Variants in NKAIN3 observed in about 807,000 individuals in gnomAD.
NKAIN3 encodes the protein sodium/potassium transporting ATPase interacting 3, also known as sodium/potassium-transporting ATPase subunit beta-1-interacting protein 3.
In NKAIN3, 25 loss-of-function variants were observed where a neutral mutation model predicts 30.2. The ratio of observed to expected loss-of-function variants is 0.83; its 90% CI spans 0.60 to 1.16. The LOEUF (loss-of-function observed/expected upper bound fraction) is 1.16, where lower values mean the gene tolerates loss of function less well. Among genes scored for constraint, NKAIN3 ranks in the 50% most tolerant of loss-of-function variants. NKAIN3 has a pLI of 0.00. For missense variants in NKAIN3, 225 were observed against 254.1 expected (o/e 0.89, Z 0.78); for synonymous variants, 91 against 89.6 (o/e 1.02, Z -0.09).
chr8:62,571,631 A>G (rs1054570173), intron 1 of NKAIN3, among the ~76,000 whole-genome samples: 2 of 152,038 alleles, frequency 1.3e-5, no homozygotes, highest in African/African-American at 2.4e-5. Context: ...GGGCCCCGCC[A>G]CTGCAGCAAT....
chr8:62,762,501 C>A (rs760113909), intron 4 of NKAIN3, among the ~76,000 whole-genome samples: 1 of 152,060 alleles, frequency 6.6e-6, no homozygotes, highest in African/African-American at 2.4e-5. Context: ...AGATGTGACA[C>A]ACAATTTAAG....
chr8:62,320,180 G>C (rs1814822747), intron 1 of NKAIN3, among the ~76,000 whole-genome samples: 1 of 151,882 alleles, frequency 6.6e-6, no homozygotes, highest in Admixed American at 6.6e-5. Context: ...TTTTCCATTT[G>C]CTTGGTAGAT....
chr8:62,698,971 A>G (rs369698169), intron 3 of NKAIN3, among the ~76,000 whole-genome samples: 38 of 152,104 alleles, frequency 2.5e-4, no homozygotes, highest in Non-Finnish European at 4.7e-4. Context: ...ACAATTTAAG[A>G]TTTTCCCAAT....
At chr8:62,794,311 T>G (rs1476969236) in intron 4 of NKAIN3, among the ~76,000 whole-genome samples, 1 of 152,148 alleles carries the variant, frequency 6.6e-6, no homozygotes, top group Non-Finnish European at 1.5e-5. Flanking sequence ...ATGAGACAAA[T>G]GTCATAGACA....
intron 4 of NKAIN3, among the ~76,000 whole-genome samples, chr8:62,785,305 TAAAG>T (rs1464234622): frequency 6.6e-6 from 1 of 152,150 alleles, no homozygotes; most frequent in Non-Finnish European, 1.5e-5. Context: ...CATTATAAGT[TAAAG>T]AAACCATTCA....
At chr8:62,666,873 G>C (rs1048922423) in intron 3 of NKAIN3, among the ~76,000 whole-genome samples, 1 of 152,106 alleles carries the variant, frequency 6.6e-6, no homozygotes, top group South Asian at 2.1e-4. Context: ...AGATTTGATT[G>C]AATGTCATCA....
intron 1 of NKAIN3, among the ~76,000 whole-genome samples, chr8:62,373,105 C>A (rs755978684): frequency 1.3e-5 from 2 of 152,066 alleles, no homozygotes; most frequent in Non-Finnish European, 2.9e-5. Flanking sequence ...GAAAGAGAGG[C>A]ATTATGTAGC....
At chr8:62,533,525 A>C (rs180846935) in intron 1 of NKAIN3, among the ~76,000 whole-genome samples, 1 of 152,304 alleles carries the variant, frequency 6.6e-6, no homozygotes, top group Non-Finnish European at 1.5e-5. Context: ...GGATGCTTGG[A>C]CCAGGAGAAT....
At chr8:62,447,923 C>A (rs1805532912) in intron 1 of NKAIN3, among the ~76,000 whole-genome samples, 1 of 151,942 alleles carries the variant, frequency 6.6e-6, no homozygotes, top group Non-Finnish European at 1.5e-5. Flanking sequence ...TGTTTGAAAT[C>A]TAAAACCTTT....
intron 4 of NKAIN3, among the ~76,000 whole-genome samples, chr8:62,841,094 G>A (rs539292889): frequency 3.9e-5 from 6 of 152,138 alleles, no homozygotes; most frequent in African/African-American, 1.4e-4. Flanking sequence ...CATAGAACAA[G>A]GTACTTTGCA....
intron 4 of NKAIN3, among the ~76,000 whole-genome samples, chr8:62,768,121 A>G (rs535299805): frequency 1.3e-5 from 2 of 152,274 alleles, no homozygotes; most frequent in South Asian, 4.1e-4. Flanking sequence ...AGGCGCATCC[A>G]TCATTGGACT....
chr8:62,613,488 G>T (rs971312742), intron 3 of NKAIN3, among the ~76,000 whole-genome samples: 2 of 151,866 alleles, frequency 1.3e-5, no homozygotes, highest in African/African-American at 4.8e-5. Flanking sequence ...ATTATTAATT[G>T]CCTTAAAGTA....
intron 3 of NKAIN3, among the ~76,000 whole-genome samples, chr8:62,683,025 T>G (rs555827133): frequency 1.1e-3 from 168 of 152,142 alleles, no homozygotes; most frequent in Non-Finnish European, 2.0e-3. Context: ...TTGTTTGTTT[T>G]TTTGTTTGTT....
chr8:62,522,737 T>C (rs1044691267), intron 1 of NKAIN3, among the ~76,000 whole-genome samples: 9 of 151,674 alleles, frequency 5.9e-5, no homozygotes, highest in Non-Finnish European at 1.3e-4. Flanking sequence ...ATAAAATAAA[T>C]ATAGGAAATA....
intron 5 of NKAIN3, among the ~76,000 whole-genome samples, chr8:62,996,382 A>G (rs1332603883): frequency 6.6e-6 from 1 of 151,590 alleles, no homozygotes; most frequent in Non-Finnish European, 1.5e-5. Context: ...TCCATTATCC[A>G]ATCACCTCCC....
At chr8:62,811,002 C>A (rs898509256) in intron 4 of NKAIN3, among the ~76,000 whole-genome samples, 2 of 152,042 alleles carry the variant, frequency 1.3e-5, no homozygotes, top group African/African-American at 4.8e-5. Flanking sequence ...ATTTCATCAG[C>A]ACAGGGATTC....
chr8:62,937,346 C>G (rs1822815772), intron 5 of NKAIN3, among the ~76,000 whole-genome samples: 1 of 152,142 alleles, frequency 6.6e-6, no homozygotes, highest in South Asian at 2.1e-4. Flanking sequence ...CAGCCGAAAA[C>G]TGTGAGTGCC....
At chr8:62,570,458 T>C (rs1809899583) in intron 1 of NKAIN3, among the ~76,000 whole-genome samples, 2 of 152,152 alleles carry the variant, frequency 1.3e-5, no homozygotes, top group African/African-American at 4.8e-5. Context: ...GGACTTACAG[T>C]TCCACGTGGT....
At chr8:62,925,655 T>C (rs1208202610) in intron 5 of NKAIN3, among the ~76,000 whole-genome samples, 1 of 152,186 alleles carries the variant, frequency 6.6e-6, no homozygotes, top group African/African-American at 2.4e-5. Context: ...TCTGTGACCA[T>C]TGCTGAATCA....
Sources: allele counts gnomAD v4.1 joint callset (sites outside exome capture counted in the v4.1 genomes callset), GRCh38; gene constraint gnomAD v4.1.1; transcripts MANE v1.5; gene names NCBI Gene and HGNC (gene_info 2026-07-23, HGNC 2026-07-21).